GSE1: variants seen among roughly 807,000 people sequenced by gnomAD.
GSE1 encodes the protein Gse1 coiled-coil protein, also known as genetic suppressor element 1.
GSE1 carries 32 observed loss-of-function variants against 112.6 expected under a neutral mutation model. That is an observed-to-expected ratio of 0.28 (90% CI 0.21 to 0.38). The LOEUF is 0.38. Ranked by LOEUF, GSE1 falls within the 10% of genes least tolerant of loss-of-function variation. The pLI is 1.00. For synonymous variants in GSE1, 1,115 were observed against 735.6 expected, an observed-to-expected ratio of 1.52 and a Z score of -8.35; for missense variants, 2,348 against 1,699.2, an observed-to-expected ratio of 1.38 and a Z score of -6.71.
At chr16:85,531,260 C>A (rs2044126311) in intron 2 of GSE1, among the ~76,000 whole-genome samples, 1 of 152,168 alleles carries the variant, frequency 6.6e-6, no homozygotes. Context: ...CTGCTTGTAC[C>A]CATCTGTCCT....
chr16:85,511,458 G>A (rs1253221636), intron 2 of GSE1, among the ~76,000 whole-genome samples: 3 of 151,868 alleles, frequency 2.0e-5, no homozygotes, highest in African/African-American at 7.3e-5. Flanking sequence ...AACCCAGGAG[G>A]CGGAGGTTGC....
intron 1 of GSE1, among the ~76,000 whole-genome samples, chr16:85,624,407 G>C (rs2048934794): frequency 6.6e-6 from 1 of 152,216 alleles, no homozygotes; most frequent in African/African-American, 2.4e-5. Context: ...TGAGAGCTGT[G>C]GGAAAGTGGG....
intron 2 of GSE1, among the ~76,000 whole-genome samples, chr16:85,548,476 A>G (rs1026693342): frequency 6.6e-6 from 1 of 151,936 alleles, no homozygotes; most frequent in African/African-American, 2.4e-5. Flanking sequence ...TAGTTCCCAC[A>G]TATTAGTGAG....
upstream of GSE1, chr16:85,555,265 C>T (rs1292409342): frequency 1.0e-5 from 10 of 985,438 alleles, no homozygotes; most frequent in Non-Finnish European, 1.1e-5. Flanking sequence ...CGTGCGCTCT[C>T]GCCTCCCCGC....
At chr16:85,263,350 G>C (rs915889111) in intron 1 of GSE1, among the ~76,000 whole-genome samples, 3 of 152,076 alleles carry the variant, frequency 2.0e-5, no homozygotes, top group Admixed American at 2.0e-4. Flanking sequence ...GAGGCCCCCA[G>C]AGAGCCGGGG....
chr16:85,452,610 A>G (rs1401873483), intron 2 of GSE1, among the ~76,000 whole-genome samples: 1 of 152,128 alleles, frequency 6.6e-6, no homozygotes, highest in Non-Finnish European at 1.5e-5. Flanking sequence ...CTTCCTCGGA[A>G]TCCCCTGCCC....
intron 1 of GSE1, among the ~76,000 whole-genome samples, chr16:85,241,242 C>T (rs934811309): frequency 2.0e-5 from 3 of 152,208 alleles, no homozygotes; most frequent in Admixed American, 6.5e-5. Flanking sequence ...TTCTTTGTGT[C>T]TGTAAAAGCA....
chr16:85,461,905 C>G (rs1028760424), intron 2 of GSE1, among the ~76,000 whole-genome samples: 1 of 152,182 alleles, frequency 6.6e-6, no homozygotes, highest in Non-Finnish European at 1.5e-5. Context: ...CCTGCCCCTC[C>G]TTCCTGCTCT....
intron 2 of GSE1, among the ~76,000 whole-genome samples, chr16:85,476,693 G>A (rs2050465539): frequency 6.6e-6 from 1 of 151,752 alleles, no homozygotes; most frequent in Admixed American, 6.6e-5. Flanking sequence ...GAGTTGACTG[G>A]CACAATCACA....
chr16:85,582,225 C>T (rs138050431), intron 1 of GSE1: 1 of 152,284 alleles, frequency 6.6e-6, no homozygotes, highest in Non-Finnish European at 1.5e-5. Context: ...CAAACATTGC[C>T]CCTCCTCCCC....
chr16:85,665,246 T>C (rs1567757849), intron 12 of GSE1, 118 bp downstream of exon 12: 1 of 632,388 alleles, frequency 1.6e-6, no homozygotes, highest in Non-Finnish European at 2.8e-6. Flanking sequence ...CAGGCTGTCT[T>C]CTTCCATTCT....
intron 1 of GSE1, among the ~76,000 whole-genome samples, chr16:85,328,495 C>T (rs1483346754): frequency 6.6e-6 from 1 of 152,238 alleles, no homozygotes; most frequent in Non-Finnish European, 1.5e-5. Flanking sequence ...AGGCTCCTTT[C>T]AAGCTCTCAG....
At chr16:85,344,192 C>A (rs2046684610) in intron 1 of GSE1, among the ~76,000 whole-genome samples, 1 of 152,146 alleles carries the variant, frequency 6.6e-6, no homozygotes, top group Non-Finnish European at 1.5e-5. Context: ...GCCAGCCCTG[C>A]CCGGCGGGGG....
At chr16:85,496,357 G>A (rs934275522) in intron 2 of GSE1, among the ~76,000 whole-genome samples, 2 of 148,650 alleles carry the variant, frequency 1.3e-5, no homozygotes, top group South Asian at 2.1e-4. Flanking sequence ...GGCTGACGCC[G>A]AGCACCGCTG....
intron 1 of GSE1, among the ~76,000 whole-genome samples, chr16:85,579,699 C>T (rs2046371528): frequency 6.6e-6 from 1 of 152,230 alleles, no homozygotes; most frequent in Non-Finnish European, 1.5e-5. Context: ...AGCCCCATCT[C>T]AGATCCCAGT....
At chr16:85,568,544 T>C (rs1036070925) in intron 1 of GSE1, among the ~76,000 whole-genome samples, 1 of 152,200 alleles carries the variant, frequency 6.6e-6, no homozygotes, top group Non-Finnish European at 1.5e-5. Context: ...GAAATGAAAG[T>C]GTGGAACTGG....
At chr16:85,278,436 T>C (rs1035061868) in intron 1 of GSE1, among the ~76,000 whole-genome samples, 1 of 152,230 alleles carries the variant, frequency 6.6e-6, no homozygotes, top group Admixed American at 6.5e-5. Flanking sequence ...GAAGACACTG[T>C]ATTTAATAAT....
At chr16:85,459,785 G>C (rs1405048019) in intron 2 of GSE1, among the ~76,000 whole-genome samples, 1 of 152,230 alleles carries the variant, frequency 6.6e-6, no homozygotes, top group African/African-American at 2.4e-5. Flanking sequence ...CTTCCCAGAG[G>C]CTTTCTCTCT....
intron 1 of GSE1, among the ~76,000 whole-genome samples, chr16:85,602,207 C>T (rs1013682464): frequency 2.6e-5 from 4 of 152,062 alleles, no homozygotes; most frequent in Non-Finnish European, 5.9e-5. Flanking sequence ...GGGTTAGCAG[C>T]ACACAGCGCC....
Sources: allele counts gnomAD v4.1 joint callset (sites outside exome capture counted in the v4.1 genomes callset), GRCh38; gene constraint gnomAD v4.1.1; transcripts MANE v1.5; gene names NCBI Gene and HGNC (gene_info 2026-07-23, HGNC 2026-07-21).